TTC28: variants seen among roughly 807,000 people sequenced by gnomAD.
TTC28 encodes the protein tetratricopeptide repeat domain 28.
In TTC28, 61 loss-of-function variants were observed where a neutral mutation model predicts 198.0. That is an observed-to-expected ratio of 0.31 (90% CI 0.25 to 0.38). The LOEUF is 0.38. Among genes scored for constraint, TTC28 ranks in the 10% least tolerant of loss-of-function variants. The pLI is 1.00. For missense variants in TTC28, 2,678 were observed against 3,164.0 expected (o/e 0.85, Z 3.69); for synonymous variants, 1,171 against 1,297.8 (o/e 0.90, Z 2.10).
At chr22:28,062,410 CTTCTT>C (rs1434984533) in intron 12 of TTC28, among the ~76,000 whole-genome samples, 1 of 101,678 alleles carries the variant, frequency 9.8e-6, no homozygotes, top group African/African-American at 4.2e-5. Flanking sequence ...GTTTTTAACT[CTTCTT>C]TTTTTTTTTT....
Position 28,096,473 on chromosome 22 carries a change from G to A in TTC28, c.3548-65C>T. On this transcript the variant is annotated intron_variant, in intron 10 of 22. Transcript: ENST00000397906. ...TGTGCTTACTTAGAGAGGCCTATCA[G>A]GGACGGCCATCAAATCCTGGGCAGA... The A allele has an allele frequency of 2.0e-6, 3 of 1,512,688 alleles. No homozygotes were observed. The South Asian group carries it at 3.8e-5, about 19-fold the overall frequency. The allele number at this position is 1,512,688 out of a possible 1,614,324, so 93.7% of individuals were successfully genotyped here.
chr22:28,127,740 C>A (rs1338807565), intron 6 of TTC28, among the ~76,000 whole-genome samples: 2 of 151,950 alleles, frequency 1.3e-5, no homozygotes, highest in African/African-American at 4.8e-5. Flanking sequence ...GTATGTGCCT[C>A]ACATTTTCTT....
intron 2 of TTC28, among the ~76,000 whole-genome samples, chr22:28,559,919 A>G (rs1364384445): frequency 6.6e-6 from 1 of 152,218 alleles, no homozygotes; most frequent in Admixed American, 6.5e-5. Flanking sequence ...TCTCAGATTT[A>G]TAGCTTGAGC....
intron 2 of TTC28, among the ~76,000 whole-genome samples, chr22:28,449,677 C>A (rs983973446): frequency 6.6e-5 from 10 of 152,098 alleles, no homozygotes; most frequent in African/African-American, 2.4e-4. Context: ...AAGGTATTGA[C>A]AAATCTATTT....
chr22:28,237,179 C>T (rs965972359), intron 5 of TTC28, among the ~76,000 whole-genome samples: 11 of 152,086 alleles, frequency 7.2e-5, no homozygotes, highest in African/African-American at 2.4e-4. Flanking sequence ...TCTCTCCCCA[C>T]CCTTTTCTCT....
chr22:28,532,747 T>C (rs1441668227), intron 2 of TTC28, among the ~76,000 whole-genome samples: 1 of 152,182 alleles, frequency 6.6e-6, no homozygotes, highest in Non-Finnish European at 1.5e-5. Flanking sequence ...GCAAGGCTGG[T>C]TCAACATACA....
At chr22:28,412,075 T>C (rs2047090236) in intron 2 of TTC28, among the ~76,000 whole-genome samples, 1 of 152,246 alleles carries the variant, frequency 6.6e-6, no homozygotes, top group Non-Finnish European at 1.5e-5. Context: ...TCACTGAGGC[T>C]TATCCCCTGT....
intron 8 of TTC28, 99 bp from the exon 9 acceptor site, chr22:28,101,379 G>T: frequency 1.9e-6 from 2 of 1,044,256 alleles, no homozygotes; most frequent in Non-Finnish European, 1.4e-6. Context: ...GTTTTTGTTT[G>T]TTTTGAGACA....
chr22:28,163,095 G>T lies in TTC28; in HGVS notation c.1438C>A (p.Leu480Ile). ...TTACAGGCAACCCTGTTCTTACCTA[G>T]ATTGGAGGATGCTCGCCCCTCTGCA... The part of the protein sequence containing the change: ...RAAEGRASSN[L>I]GIIHQMKGDY... Residue 480 changes from leucine (L) to isoleucine (I), a missense_variant, in exon 6 of 23, where the codon CTA (leucine) becomes ATA (isoleucine). Physicochemically the swap from Leu to Ile is conservative, Grantham distance 5. Around this residue, in one of 8 missense-constraint regions of TTC28, gnomAD observed 775 missense variants for 845.9 expected, o/e 0.92. Transcript: ENST00000397906. The T allele has an allele frequency of 6.5e-7, 1 of 1,547,028 alleles. No homozygotes were observed. The highest frequency in any genetic ancestry group is 8.7e-7 in the Non-Finnish European group (1 of 1,144,594).
intron 6 of TTC28, among the ~76,000 whole-genome samples, chr22:28,160,915 A>G (rs1921098382): frequency 6.6e-6 from 1 of 152,224 alleles, no homozygotes; most frequent in Non-Finnish European, 1.5e-5. Context: ...AAATCAGGAC[A>G]GTGGTGTTTC....
chr22:28,413,321 C>G (rs1008787879), intron 2 of TTC28, among the ~76,000 whole-genome samples: 2 of 152,042 alleles, frequency 1.3e-5, no homozygotes, highest in East Asian at 1.9e-4. Flanking sequence ...GCCTGTAGTC[C>G]CAGCTACTCG....
chr22:28,434,248 G>T (rs188883584), intron 2 of TTC28, among the ~76,000 whole-genome samples: 1 of 152,238 alleles, frequency 6.6e-6, no homozygotes, highest in East Asian at 1.9e-4. Flanking sequence ...AGCTCCTAAA[G>T]GTTTACTGTG....
intron 2 of TTC28, among the ~76,000 whole-genome samples, chr22:28,310,175 A>ACACACAC (rs66509137): frequency 0.052 from 6,461 of 123,536 alleles, 201 homozygotes; most frequent in Non-Finnish European, 0.061. Flanking sequence ...CACACACACA[A>ACACACAC]AAAACAAGAC....
At chr22:28,585,418 C>T (rs2050299638) in intron 2 of TTC28, among the ~76,000 whole-genome samples, 2 of 152,136 alleles carry the variant, frequency 1.3e-5, no homozygotes, top group South Asian at 2.1e-4. Context: ...GCGCAGTTCA[C>T]GATAGGGTTA....
chr22:28,338,531 T>C (rs1488007610), intron 2 of TTC28, among the ~76,000 whole-genome samples: 1 of 152,134 alleles, frequency 6.6e-6, no homozygotes, highest in Non-Finnish European at 1.5e-5. Flanking sequence ...GGAGGCTTTG[T>C]TTGTTTCTTT....
At chr22:28,676,668 C>T (rs892536217) in intron 1 of TTC28, among the ~76,000 whole-genome samples, 9 of 151,514 alleles carry the variant, frequency 5.9e-5, no homozygotes, top group South Asian at 2.1e-4. Flanking sequence ...TCTTTCCTTC[C>T]TATATATGCA....
chr22:27,995,642 G>GT (rs1322467190), intron 17 of TTC28, among the ~76,000 whole-genome samples: 1 of 152,170 alleles, frequency 6.6e-6, no homozygotes, highest in African/African-American at 2.4e-5. Context: ...TCTGCGCCAA[G>GT]TACTCACATT....
chr22:28,653,913 CTTA>C (rs2051603470), intron 1 of TTC28, among the ~76,000 whole-genome samples: 1 of 152,190 alleles, frequency 6.6e-6, no homozygotes, highest in South Asian at 2.1e-4. Context: ...TAAGAAGACA[CTTA>C]AGTCTTCTGT....
chr22:28,474,724 C>T (rs1352849895), intron 2 of TTC28, among the ~76,000 whole-genome samples: 1 of 152,148 alleles, frequency 6.6e-6, no homozygotes, highest in African/African-American at 2.4e-5. Flanking sequence ...AGCCAGATCA[C>T]CATGTGATAA....
Sources: gnomAD v4.1 joint callset for allele counts (sites outside exome capture counted in the v4.1 genomes callset) on GRCh38, gnomAD v4.1.1 for gene constraint, gnomAD v4.1.1 regional missense constraint, MANE v1.5 for transcripts, NCBI Gene and HGNC (gene_info 2026-07-23, HGNC 2026-07-21) for gene names.